Variants in RHOBTB2 observed in about 807,000 individuals in gnomAD.
RHOBTB2 encodes Rho related BTB domain containing 2, also known as rho-related BTB domain-containing protein 2.
Under a neutral mutation model 66.5 loss-of-function variants are expected in RHOBTB2, and 39 were observed. That is an observed-to-expected ratio of 0.59 (90% CI 0.45 to 0.77). RHOBTB2 has a LOEUF of 0.77. Among genes scored for constraint, RHOBTB2 ranks in the 30% least tolerant of loss-of-function variants. The pLI, the probability that RHOBTB2 is intolerant of heterozygous loss-of-function variation, is 0.00. For missense variants in RHOBTB2, 755 were observed against 999.1 expected, an observed-to-expected ratio of 0.76 and a Z score of 3.29; for synonymous variants, 390 against 395.0, an observed-to-expected ratio of 0.99 and a Z score of 0.15.
At chr8:22,963,712 T>C in the RHOBTB2 span, among the ~76,000 whole-genome samples, 4 of 152,114 alleles carry the variant, frequency 2.6e-5, no homozygotes, top group African/African-American at 9.7e-5. Flanking sequence ...ACATCTTACA[T>C]GGATGGTGGC....
chr8:22,971,896 C>T, the RHOBTB2 span, among the ~76,000 whole-genome samples: 1 of 152,230 alleles, frequency 6.6e-6, no homozygotes, highest in Non-Finnish European at 1.5e-5. Context: ...TACCCCCTTG[C>T]TGGCCATTAT....
the RHOBTB2 span, among the ~76,000 whole-genome samples, chr8:22,957,814 T>C: frequency 6.6e-6 from 1 of 152,216 alleles, no homozygotes; most frequent in Admixed American, 6.5e-5. Context: ...AACTAAGATC[T>C]GAGTCCTAAA....
At chr8:22,992,277 T>C (rs1169568247) in intron 2 of RHOBTB2, 1 of 152,200 alleles carries the variant, frequency 6.6e-6, no homozygotes, top group Non-Finnish European at 1.5e-5. Context: ...GGGGAACAGT[T>C]GGGGCTTTTT....
At chr8:22,952,853 C>T in the RHOBTB2 span, among the ~76,000 whole-genome samples, 3 of 151,942 alleles carry the variant, frequency 2.0e-5, no homozygotes, top group African/African-American at 4.8e-5. Flanking sequence ...TGCAGTGAGC[C>T]GAGATTGCAC....
At chr8:22,977,360 G>T in the RHOBTB2 span, among the ~76,000 whole-genome samples, 1 of 152,140 alleles carries the variant, frequency 6.6e-6, no homozygotes, top group South Asian at 2.1e-4. Context: ...CAGGTGGATT[G>T]CTTGAGCCCA....
At chr8:22,993,493 A>T (rs1810473630) in intron 2 of RHOBTB2, among the ~76,000 whole-genome samples, 2 of 152,200 alleles carry the variant, frequency 1.3e-5, no homozygotes, top group African/African-American at 4.8e-5. Context: ...AGAAGGAGTT[A>T]GAAGGGTGTC....
At chr8:22,962,179 C>CA in the RHOBTB2 span, among the ~76,000 whole-genome samples, 1 of 13,834 alleles carries the variant, frequency 7.2e-5, no homozygotes, top group Non-Finnish European at 1.2e-4. Context: ...AACGAATTTA[C>CA]AAAAAAAAAA....
At chr8:22,972,208 CG>C in the RHOBTB2 span, among the ~76,000 whole-genome samples, 2 of 152,172 alleles carry the variant, frequency 1.3e-5, no homozygotes, top group Non-Finnish European at 2.9e-5. Flanking sequence ...CCACTAGGCA[CG>C]GCGCTTAGGG....
At chr8:22,965,827 G>A in the RHOBTB2 span, among the ~76,000 whole-genome samples, 1 of 152,090 alleles carries the variant, frequency 6.6e-6, no homozygotes, top group Non-Finnish European at 1.5e-5. Flanking sequence ...GCTCTTAGAA[G>A]AAAACATAGA....
At chr8:22,953,948 A>G in the RHOBTB2 span, among the ~76,000 whole-genome samples, 1 of 152,060 alleles carries the variant, frequency 6.6e-6, no homozygotes, top group African/African-American at 2.4e-5. Context: ...AAAATGGTCT[A>G]AACACTTGTA....
rs1379503920 is a variant in RHOBTB2 at position 23,004,257 on chromosome 8, G to A, written c.-10-168G>A. 1 of 644,128 alleles carries A rather than the reference G, an allele frequency of 1.6e-6. No homozygotes were observed. The highest frequency in any genetic ancestry group is 2.8e-6 in the Non-Finnish European group (1 of 360,476). The allele number at this position is 644,128 out of a possible 1,614,324, so 39.9% of individuals were successfully genotyped here. ...GCCTGAATGGGCTCCTGGCCCCTTG[G>A]ACCCTCGCAGAGCTCTTGCCCAGAA... On this transcript the variant is annotated intron_variant, in intron 1 of 9. Transcript: ENST00000251822. The surrounding 1 kb of genome is among the most constrained non-coding windows in gnomAD (Gnocchi z 6.4).
At chr8:22,996,419 G>A (rs1420592502), upstream of RHOBTB2, among the ~76,000 whole-genome samples, 3 of 152,136 alleles carry the variant, frequency 2.0e-5, no homozygotes, top group African/African-American at 4.8e-5. Flanking sequence ...GCAATGGGGG[G>A]AGTCAGTGCT....
chr8:22,995,913 A>T (rs1563285848), upstream of RHOBTB2: 8 of 1,549,254 alleles, frequency 5.2e-6, no homozygotes, highest in Non-Finnish European at 4.4e-6. Flanking sequence ...TGAAGGGTAA[A>T]GCTGCCTGTG....
chr8:23,002,700 C>T (rs1480591368), intron 1 of RHOBTB2, among the ~76,000 whole-genome samples: 1 of 151,964 alleles, frequency 6.6e-6, no homozygotes, highest in East Asian at 1.9e-4. Flanking sequence ...CAAAAAAATA[C>T]AAAAACAAAA....
In RHOBTB2 at chr8:23,018,293, C is replaced by T. The variant is rs1181077872; in HGVS notation, c.*824C>T. The T allele has an allele frequency of 1.3e-5, 2 of 152,526 alleles. No individual in the cohort carries two copies. The highest frequency in any genetic ancestry group is 2.4e-5 in the African/African-American group (1 of 41,422). The allele number at this position is 152,526 out of a possible 1,614,324, so 9.4% of individuals were successfully genotyped here. On this transcript the variant is annotated 3_prime_UTR_variant, in exon 10 of 10. Transcript: ENST00000251822. ...ACGGCGACCCCGTGCTCCTCAGGGCCCTCCCCTGCCTCTGGGTGGCACTGC... is the reference window on the plus strand; with the variant it reads ...ACGGCGACCCCGTGCTCCTCAGGGCTCTCCCCTGCCTCTGGGTGGCACTGC...
intron 9 of RHOBTB2, among the ~76,000 whole-genome samples, chr8:23,016,732 A>C (rs1326601647): frequency 6.6e-6 from 1 of 152,136 alleles, no homozygotes; most frequent in African/African-American, 2.4e-5. Context: ...TTTCTAAAGC[A>C]CAGGTCCAAT....
At position 22,999,632 on chromosome 8, in the gene RHOBTB2, TCCC is replaced by T; in HGVS notation, c.-483_-481del. The T allele has an allele frequency of 8.0e-7, 1 of 1,245,180 alleles. No homozygotes were observed. The highest frequency in any genetic ancestry group is 1.0e-6 in the Non-Finnish European group (1 of 972,304). The allele number at this position is 1,245,180 out of a possible 1,614,324, so 77.1% of individuals were successfully genotyped here. On this transcript the variant is annotated 5_prime_UTR_variant, in exon 1 of 10. Transcript: ENST00000251822. ...CCGTTTTTTTCTTTTCTTTTTTTTTTCCCTATCCTTTTTTTGTGAATGAAAAAA... is the reference window on the plus strand; with the variant it reads ...CCGTTTTTTTCTTTTCTTTTTTTTTTTATCCTTTTTTTGTGAATGAAAAAA...
the RHOBTB2 span, among the ~76,000 whole-genome samples, chr8:22,967,291 T>C: frequency 3.3e-5 from 5 of 152,180 alleles, no homozygotes; most frequent in Non-Finnish European, 7.4e-5. Flanking sequence ...ATTATTATGC[T>C]AAGTGAAATA....
At chr8:23,014,217 A>G (rs1476207089) in intron 7 of RHOBTB2, among the ~76,000 whole-genome samples, 1 of 152,270 alleles carries the variant, frequency 6.6e-6, no homozygotes, top group Admixed American at 6.5e-5. Context: ...CTTCTTCAAT[A>G]TAAGTGTTTT....
Sources: gnomAD v4.1 joint callset for allele counts (sites outside exome capture counted in the v4.1 genomes callset) on GRCh38, gnomAD v4.1.1 for gene constraint, Gnocchi (gnomAD v3.1) non-coding constraint, MANE v1.5 for transcripts, NCBI Gene and HGNC (gene_info 2026-07-23, HGNC 2026-07-21) for gene names.